The following DOCK5 variants were observed in gnomAD, a reference collection of about 807,000 sequenced individuals.
DOCK5 encodes dedicator of cytokinesis 5.
A neutral mutation model predicts 251.8 loss-of-function variants in DOCK5; 142 were observed. That is an observed-to-expected ratio of 0.56 (90% CI 0.49 to 0.65). DOCK5 has a LOEUF of 0.65. Ranked by LOEUF, DOCK5 falls within the 30% of genes least tolerant of loss-of-function variation. DOCK5 has a pLI of 0.00. For missense variants in DOCK5, 2,111 were observed against 2,312.3 expected (o/e 0.91, Z 1.79); for synonymous variants, 842 against 835.5 (o/e 1.01, Z -0.13).
At chr8:25,195,700 C>T (rs1355031082) in intron 1 of DOCK5, among the ~76,000 whole-genome samples, 2 of 152,196 alleles carry the variant, frequency 1.3e-5, no homozygotes, top group Non-Finnish European at 2.9e-5. Context: ...TAGAGAGAGC[C>T]TTCTCTGAGA....
At chr8:25,307,530 T>C (rs1804976481) in intron 11 of DOCK5, among the ~76,000 whole-genome samples, 1 of 152,198 alleles carries the variant, frequency 6.6e-6, no homozygotes, top group Non-Finnish European at 1.5e-5. Flanking sequence ...CCATATATAT[T>C]ATAGTACTAT....
At chr8:25,311,814 C>T (rs1378422808) in intron 13 of DOCK5, among the ~76,000 whole-genome samples, 2 of 151,152 alleles carry the variant, frequency 1.3e-5, no homozygotes, top group South Asian at 2.1e-4. Flanking sequence ...CCCAGCTACT[C>T]AGGAGGCTGA....
intron 2 of DOCK5, among the ~76,000 whole-genome samples, chr8:25,245,075 G>C (rs1803063552): frequency 6.6e-6 from 1 of 152,056 alleles, no homozygotes; most frequent in Non-Finnish European, 1.5e-5. Context: ...TTTATTTTTT[G>C]AGACGGAGTC....
rs529798962 is a variant in DOCK5, at chr8:25,392,831, A to T, written c.4476A>T (p.Ala1492=). The change falls in exon 44 of 52, where the codon GCA becomes GCT. Residue 1492 remains alanine (A), a synonymous_variant. Transcript: ENST00000276440. The stretch of plus-strand genomic sequence containing the variant: ...TTGAACGGACCACGTATACGACTGC[A>T]TATACCTTTCCTGGGATTCTCAAGT... ...MWIERTTYTT[A]YTFPGILKWF... 1.2e-6 allele frequency: 2 copies of T among 1,613,352 alleles called. No individual in the cohort carries two copies. Among genetic ancestry groups the T allele is most frequent in the South Asian group, 1.1e-5 (1 of 90,808 alleles).
intron 9 of DOCK5, among the ~76,000 whole-genome samples, chr8:25,301,098 G>GT (rs144032942): frequency 0.055 from 8,362 of 152,218 alleles, 316 homozygotes; most frequent in South Asian, 0.13. Context: ...TGGCAATTCG[G>GT]ATATGCCAAA....
At chr8:25,361,699 G>A (rs1373308749) in intron 28 of DOCK5, among the ~76,000 whole-genome samples, 1 of 152,188 alleles carries the variant, frequency 6.6e-6, no homozygotes, top group African/African-American at 2.4e-5. Flanking sequence ...AGAACTGAGG[G>A]TGGGTATGTC....
intron 26 of DOCK5, among the ~76,000 whole-genome samples, chr8:25,350,351 T>G (rs1316925913): frequency 6.9e-6 from 1 of 144,708 alleles, no homozygotes; most frequent in Non-Finnish European, 1.5e-5. Flanking sequence ...TCAAGTTGCA[T>G]GTGGGTAAGT....
chr8:25,393,885 G>A (rs1207950200), intron 44 of DOCK5, among the ~76,000 whole-genome samples: 4 of 152,206 alleles, frequency 2.6e-5, no homozygotes, highest in Admixed American at 2.6e-4. Context: ...GCCTAAAGTA[G>A]GTGTTCAAGA....
At chr8:25,205,250 A>ACT (rs1004856413) in intron 1 of DOCK5, among the ~76,000 whole-genome samples, 2 of 149,994 alleles carry the variant, frequency 1.3e-5, no homozygotes, top group African/African-American at 4.9e-5. Context: ...GCTGTCTCTC[A>ACT]CTCTCTCTCC....
chr8:25,395,700 G>A lies in DOCK5; in HGVS notation c.4685G>A (p.Gly1562Asp), dbSNP rs1801334141. 2 of 1,613,668 alleles carry A rather than the reference G, an allele frequency of 1.2e-6. No individual in the cohort carries two copies. The highest frequency in any genetic ancestry group is 1.7e-5 in the Admixed American group (1 of 59,980). ...ATCGTGGACCCGGCCGTCATGGGGG[G>A]CTTCTCCAACTATGAAAAGGTTCGC... ...SGIVDPAVMG[G>D]FSNYEKAFFT... is the part of the protein sequence containing the mutation. Residue 1562 changes from glycine (G) to aspartate (D), a missense_variant, in exon 45 of 52, where the codon GGC (glycine) becomes GAC (aspartate). Gly to Asp is a moderately conservative substitution (Grantham distance 94). Around this residue, in one of 3 missense-constraint regions of DOCK5, gnomAD observed 1,717 missense variants for 1,892.4 expected, o/e 0.91. Coordinates refer to ENST00000276440, the MANE Select transcript of DOCK5 (RefSeq NM_024940.8).
chr8:25,243,525 T>G, intron 1 of DOCK5, 149 bp from the exon 2 acceptor site: 1 of 567,356 alleles, frequency 1.8e-6, no homozygotes, highest in South Asian at 1.9e-5. Context: ...GAGATGGGGT[T>G]TCACCATCTT....
chr8:25,325,716 T>C (rs1315456938), intron 18 of DOCK5, among the ~76,000 whole-genome samples, 169 bp downstream of exon 18: 1 of 152,218 alleles, frequency 6.6e-6, no homozygotes, highest in Non-Finnish European at 1.5e-5. Flanking sequence ...GTAGTGCTGA[T>C]CACATTGCAC....
intron 30 of DOCK5, 72 bp downstream of exon 30, chr8:25,364,776 A>T: frequency 8.9e-7 from 1 of 1,121,158 alleles, no homozygotes; most frequent in Non-Finnish European, 1.3e-6. Flanking sequence ...AATTTGGAAA[A>T]TGTCTCCTCA....
At chr8:25,239,343 G>GTA in intron 1 of DOCK5, among the ~76,000 whole-genome samples, 1 of 132,888 alleles carries the variant, frequency 7.5e-6, no homozygotes, top group East Asian at 2.1e-4. Context: ...GTGTGTGTAT[G>GTA]TGTGTGTGTG....
Position 25,313,250 on chromosome 8 carries a change from C to G in DOCK5, c.1318+2718C>G, listed in dbSNP as rs546766121. Among the ~76,000 whole-genome samples, 77 of 152,232 alleles carry G rather than the reference C, an allele frequency of 5.1e-4. 1 individual carries two copies. The highest frequency in any genetic ancestry group is 1.8e-3 in the African/African-American group (76 of 41,540). On this transcript the variant is annotated intron_variant, in intron 13 of 51. Transcript: ENST00000276440. ...CGTCTTCAGCATCGCAGGAGTGATT[C>G]TGTCCACGCTCTTTCTCTGTTCTCA...
intron 22 of DOCK5, 79 bp from the exon 23 acceptor site, chr8:25,340,798 G>A: frequency 8.9e-7 from 1 of 1,122,830 alleles, no homozygotes; most frequent in Non-Finnish European, 1.3e-6. Flanking sequence ...TGAAGGAGAA[G>A]TGAGGGAGGC....
chr8:25,332,447 T>C (rs17053410), intron 19 of DOCK5, 99 bp downstream of exon 19: 49,941 of 1,213,546 alleles, frequency 0.041, 2,049 homozygotes, highest in African/African-American at 0.18. Context: ...AAATCATTCA[T>C]TGTAAATATA....
intron 16 of DOCK5, among the ~76,000 whole-genome samples, chr8:25,323,471 A>G (rs1341600612): frequency 6.6e-6 from 1 of 152,164 alleles, no homozygotes; most frequent in African/African-American, 2.4e-5. Context: ...AAGGTCTTGT[A>G]GAAATAAAGA....
intron 7 of DOCK5, among the ~76,000 whole-genome samples, 164 bp from the exon 8 acceptor site, chr8:25,298,780 T>A (rs2956656): frequency 6.6e-6 from 1 of 152,098 alleles, no homozygotes. Context: ...GCCCAGGCTG[T>A]TCTCAAATTC....
Sources: gnomAD v4.1 joint callset for allele counts (sites outside exome capture counted in the v4.1 genomes callset) on GRCh38, gnomAD v4.1.1 for gene constraint, gnomAD v4.1.1 regional missense constraint, MANE v1.5 for transcripts, NCBI Gene and HGNC (gene_info 2026-07-23, HGNC 2026-07-21) for gene names.